The following ZNG1B variants were observed in gnomAD, a reference collection of about 807,000 sequenced individuals.
ZNG1B encodes the protein zinc-regulated GTPase metalloprotein activator 1B.
chr2:113,474,296 T>C, the ZNG1B span, among the ~76,000 whole-genome samples: 11 of 150,596 alleles, frequency 7.3e-5, no homozygotes, highest in Non-Finnish European at 1.5e-4. Flanking sequence ...TAGTATTCTC[T>C]GATGGTAGTT....
chr2:113,466,810 A>G, the ZNG1B span: 2 of 940,888 alleles, frequency 2.1e-6, no homozygotes, highest in African/African-American at 3.6e-5. Context: ...CACGCCTGTA[A>G]TCCCAGCACT....
the ZNG1B span, among the ~76,000 whole-genome samples, chr2:113,443,229 G>A: frequency 0.28 from 41,648 of 151,188 alleles, 6,343 homozygotes; most frequent in East Asian, 0.52. Flanking sequence ...TGGCCTCCCT[G>A]TAAGTTTAAT....
the ZNG1B span, among the ~76,000 whole-genome samples, chr2:113,484,488 A>G: frequency 6.6e-6 from 1 of 152,186 alleles, no homozygotes; most frequent in Non-Finnish European, 1.5e-5. Flanking sequence ...TCAAATATTG[A>G]GTTGCCATAT....
At chr2:113,456,335 A>G in the ZNG1B span, among the ~76,000 whole-genome samples, 3 of 152,140 alleles carry the variant, frequency 2.0e-5, no homozygotes, top group Admixed American at 6.5e-5. Context: ...GGAGGTAGCA[A>G]AAAAGCCCCA....
chr2:113,460,640 A>G, the ZNG1B span: 5 of 1,583,550 alleles, frequency 3.2e-6, no homozygotes, highest in East Asian at 2.2e-5. Flanking sequence ...TTATTGTATT[A>G]TAGTAACTTT....
the ZNG1B span, among the ~76,000 whole-genome samples, chr2:113,471,273 G>A: frequency 6.6e-6 from 1 of 151,940 alleles, no homozygotes; most frequent in African/African-American, 2.4e-5. Flanking sequence ...AAATCATATT[G>A]CATTTTCCTG....
the ZNG1B span, among the ~76,000 whole-genome samples, chr2:113,439,683 A>C: frequency 6.6e-6 from 1 of 152,092 alleles, no homozygotes; most frequent in African/African-American, 2.4e-5. Context: ...CCGCACAATG[A>C]ACTAATGTTA....
the ZNG1B span, among the ~76,000 whole-genome samples, chr2:113,477,289 C>T: frequency 5.3e-5 from 8 of 152,110 alleles, no homozygotes; most frequent in Non-Finnish European, 7.4e-5. Flanking sequence ...TTCCAGGTGC[C>T]GTCTGTCACC....
the ZNG1B span, among the ~76,000 whole-genome samples, chr2:113,473,882 G>A: frequency 7.2e-6 from 1 of 138,140 alleles, no homozygotes; most frequent in Non-Finnish European, 1.5e-5. Flanking sequence ...TGCTGGATTC[G>A]GTTTGCCAGT....
At chr2:113,475,769 G>A in the ZNG1B span, among the ~76,000 whole-genome samples, 3 of 152,058 alleles carry the variant, frequency 2.0e-5, no homozygotes, top group East Asian at 1.9e-4. Flanking sequence ...GGCTGGATAT[G>A]AAATTCTGGG....
the ZNG1B span, chr2:113,471,064 G>A: frequency 3.2e-5 from 50 of 1,585,148 alleles, no homozygotes; most frequent in Non-Finnish European, 4.0e-5. Flanking sequence ...AGATCTTCAT[G>A]CCTTTGATAG....
chr2:113,446,772 GCACACACA>G, the ZNG1B span, among the ~76,000 whole-genome samples: 1 of 143,266 alleles, frequency 7.0e-6, no homozygotes, highest in East Asian at 2.0e-4. Context: ...ACATGCACAC[GCACACACA>G]CACACACACA....
chr2:113,465,642 T>A, the ZNG1B span: 8 of 952,796 alleles, frequency 8.4e-6, no homozygotes, highest in African/African-American at 1.4e-4. Context: ...GTTCTGTTCC[T>A]ACAACATCTG....
chr2:113,491,191 A>G, the ZNG1B span, among the ~76,000 whole-genome samples: 1 of 78,228 alleles, frequency 1.3e-5, no homozygotes, highest in Admixed American at 1.6e-4. Flanking sequence ...TAGCCAAAGC[A>G]AGACTAAGCA....
At chr2:113,448,954 C>G in the ZNG1B span, among the ~76,000 whole-genome samples, 1 of 151,950 alleles carries the variant, frequency 6.6e-6, no homozygotes, top group Non-Finnish European at 1.5e-5. Flanking sequence ...AGTGTAGCTA[C>G]TTTCATGAAT....
chr2:113,455,875 T>C, the ZNG1B span, among the ~76,000 whole-genome samples: 1 of 133,874 alleles, frequency 7.5e-6, no homozygotes, highest in African/African-American at 2.9e-5. Flanking sequence ...CACACCACCA[T>C]GCCCAGCTAA....
chr2:113,466,610 A>G, the ZNG1B span: 1 of 985,388 alleles, frequency 1.0e-6, no homozygotes, highest in Non-Finnish European at 1.2e-6. Context: ...GGACTTTCTG[A>G]AATAGTACTT....
chr2:113,442,835 G>A, the ZNG1B span, among the ~76,000 whole-genome samples: 44 of 152,132 alleles, frequency 2.9e-4, no homozygotes, highest in African/African-American at 6.5e-4. Flanking sequence ...GAACTTCACC[G>A]TTTGGTATAT....
the ZNG1B span, among the ~76,000 whole-genome samples, chr2:113,448,900 C>T: frequency 7.3e-5 from 11 of 150,854 alleles, no homozygotes; most frequent in African/African-American, 2.2e-4. Flanking sequence ...GAGACTCCAT[C>T]TCAAAATAAA....
Sources: gnomAD v4.1 joint callset for allele counts (sites outside exome capture counted in the v4.1 genomes callset) on GRCh38, gnomAD v4.1.1 for gene constraint, MANE v1.5 for transcripts, NCBI Gene and HGNC (gene_info 2026-07-23, HGNC 2026-07-21) for gene names.